Variants in ANK3 observed in about 807,000 individuals in gnomAD.
ANK3 encodes the protein ankyrin 3.
Under a neutral mutation model 370.9 loss-of-function variants are expected in ANK3, and 57 were observed. That is an observed-to-expected ratio of 0.15 (90% CI 0.12 to 0.19). The LOEUF is 0.19. Ranked by LOEUF, ANK3 falls within the 10% of genes least tolerant of loss-of-function variation. ANK3 has a pLI of 1.00. For missense variants in ANK3, 4,439 were observed against 5,302.1 expected (o/e 0.84, Z 5.06); for synonymous variants, 1,929 against 1,946.3 (o/e 0.99, Z 0.23).
chr10:60,661,928 C>T (rs1056936548), intron 1 of ANK3, among the ~76,000 whole-genome samples: 8 of 152,092 alleles, frequency 5.3e-5, no homozygotes, highest in African/African-American at 1.2e-4. Flanking sequence ...CAAAGCCAGA[C>T]GGGGATTTGA....
rs553549084 is a variant in ANK3 at position 60,100,419 on chromosome 10, A to G, written c.3328+5486T>C. On this transcript the variant is annotated intron_variant, in intron 28 of 43. Transcript: ENST00000280772. Reference sequence around the variant, plus strand: ...ACTGCTTCTACAATGACTTAACACTATTGGTCTCATGGCAAAAACAATTAA... The same window carrying G: ...ACTGCTTCTACAATGACTTAACACTGTTGGTCTCATGGCAAAAACAATTAA... 2.6e-5 allele frequency among the ~76,000 whole-genome samples: 4 copies of G among 151,968 alleles called. No individual in the cohort carries two copies. The South Asian group carries it at 8.3e-4, about 32-fold the overall frequency.
chr10:60,696,174 C>G (rs942025958), intron 1 of ANK3, among the ~76,000 whole-genome samples: 1 of 149,884 alleles, frequency 6.7e-6, no homozygotes, highest in Non-Finnish European at 1.5e-5. Flanking sequence ...AATTCCTCGA[C>G]ACATACACTC....
At position 60,361,195 on chromosome 10, in the gene ANK3, A is replaced by G. The variant is rs2058556244; in HGVS notation, c.114+28230T>C. ...TTCTCGACTAAGGAAGCTGTTCAGT[A>G]TTCCACAGAATTAATGTGTACCTTT... On this transcript the variant is annotated intron_variant, in intron 1 of 43. Transcript: ENST00000280772. Among the ~76,000 whole-genome samples, 2 of 152,194 alleles carry G rather than the reference A, an allele frequency of 1.3e-5. 1 individual carries two copies. Among genetic ancestry groups the G allele is most frequent in the South Asian group, 4.1e-4 (2 of 4,830 alleles).
chr10:60,549,120 T>C (rs2077035024), intron 2 of ANK3, among the ~76,000 whole-genome samples: 1 of 143,652 alleles, frequency 7.0e-6, no homozygotes, highest in African/African-American at 2.6e-5. Flanking sequence ...CACAAATGAG[T>C]GAGAGAAGGG....
At chr10:60,268,997 G>A (rs1315433699) in intron 5 of ANK3, among the ~76,000 whole-genome samples, 2 of 152,194 alleles carry the variant, frequency 1.3e-5, no homozygotes, top group Admixed American at 6.5e-5. Flanking sequence ...CAAAAACTAA[G>A]TGAGATTAGA....
intron 25 of ANK3, among the ~76,000 whole-genome samples, chr10:60,122,741 TC>T (rs1199076781): frequency 6.6e-6 from 1 of 152,236 alleles, no homozygotes; most frequent in Non-Finnish European, 1.5e-5. Context: ...TCTATACTTT[TC>T]AAAAGACTTT....
At chr10:60,230,032 T>C (rs1021633167) in intron 8 of ANK3, among the ~76,000 whole-genome samples, 10 of 152,164 alleles carry the variant, frequency 6.6e-5, no homozygotes, top group Admixed American at 3.9e-4. Flanking sequence ...TTACCAACAC[T>C]ACCGGGGATT....
chr10:60,444,053 C>A (rs573121338), intron 2 of ANK3, among the ~76,000 whole-genome samples: 1 of 152,092 alleles, frequency 6.6e-6, no homozygotes, highest in East Asian at 1.9e-4. Flanking sequence ...TCAGAATTTT[C>A]ATTAAAAAAA....
chr10:60,167,728 C>T (rs561141333), intron 21 of ANK3, among the ~76,000 whole-genome samples: 4 of 150,978 alleles, frequency 2.6e-5, no homozygotes, highest in African/African-American at 7.3e-5. Flanking sequence ...GGAAGATACA[C>T]GTTTAAATGA....
chr10:60,039,906 CT>C (rs1336001668), intron 43 of ANK3, among the ~76,000 whole-genome samples: 1 of 152,130 alleles, frequency 6.6e-6, no homozygotes, highest in Non-Finnish European at 1.5e-5. Context: ...AATCAATAAT[CT>C]TGACTTCAAG....
intron 16 of ANK3, among the ~76,000 whole-genome samples, chr10:60,192,660 G>A (rs2096509801): frequency 6.6e-6 from 1 of 152,122 alleles, no homozygotes; most frequent in African/African-American, 2.4e-5. Context: ...TGGACATAAA[G>A]AGTGGAATAA....
At chr10:60,652,454 T>G (rs2078802170) in intron 1 of ANK3, among the ~76,000 whole-genome samples, 2 of 151,684 alleles carry the variant, frequency 1.3e-5, no homozygotes. Context: ...GAAGGAGAGA[T>G]AAAGAACTTG....
At chr10:60,654,854 T>G (rs1432722298) in intron 1 of ANK3, among the ~76,000 whole-genome samples, 1 of 152,198 alleles carries the variant, frequency 6.6e-6, no homozygotes, top group African/African-American at 2.4e-5. Context: ...GGTTTATTAT[T>G]ATCCCTCTTT....
rs141051825 is a variant in ANK3, at chr10:60,055,856, T to G, written c.12867A>C (p.Gly4289=). 2 of 1,614,074 alleles carry G rather than the reference T, an allele frequency of 1.2e-6. No individual in the cohort carries two copies. The highest frequency in any genetic ancestry group is 1.7e-5 in the Admixed American group (1 of 59,998). Residue 4289 remains glycine, a synonymous_variant, in exon 42 of 44, where the codon GGA becomes GGC. Transcript: ENST00000280772. The part of the protein sequence containing the change: ...TKETLKPKIH[G]SGHVEEPASP... ...ATGCTGGTTCTTCAACATGACCAGATCCATGTATTTTTGGTTTCAGAGTTT... is the reference window on the plus strand; with the variant it reads ...ATGCTGGTTCTTCAACATGACCAGAGCCATGTATTTTTGGTTTCAGAGTTT...
In ANK3 at chr10:60,071,190, C is replaced by T. The variant is rs940415590; in HGVS notation, c.9691G>A (p.Glu3231Lys). Residue 3231 changes from glutamate to lysine, a missense_variant, in exon 37 of 44, where the codon GAA becomes AAA. Transcript: ENST00000280772. ...TCTTTGCTCACGTCATTAGGCATTTCACGCTCAACTGCTGTTTCCTCCACT... is the reference window on the plus strand; with the variant it reads ...TCTTTGCTCACGTCATTAGGCATTTTACGCTCAACTGCTGTTTCCTCCACT... The part of the protein sequence containing the change: ...TTVEETAVER[E>K]MPNDVSKDSN... 4 of 1,614,038 alleles carry T rather than the reference C, an allele frequency of 2.5e-6. No individual in the cohort carries two copies. The African/African-American group carries it at 4.0e-5, about 16-fold the overall frequency.
intron 7 of ANK3, among the ~76,000 whole-genome samples, chr10:60,250,577 G>T (rs1416821159): frequency 6.6e-6 from 1 of 152,090 alleles, no homozygotes; most frequent in Non-Finnish European, 1.5e-5. Context: ...ATGTTAGCCA[G>T]GATGGTCTCG....
chr10:60,583,817 C>T (rs2077792533), intron 2 of ANK3, among the ~76,000 whole-genome samples: 2 of 151,994 alleles, frequency 1.3e-5, no homozygotes, highest in Admixed American at 1.3e-4. Context: ...AACTCCTGAC[C>T]TCGTGATCCA....
At chr10:60,563,023 C>G (rs1338966195) in intron 2 of ANK3, among the ~76,000 whole-genome samples, 2 of 152,122 alleles carry the variant, frequency 1.3e-5, no homozygotes, top group Non-Finnish European at 2.9e-5. Flanking sequence ...ATAAACTCAT[C>G]AAATGATTAT....
intron 18 of ANK3, 53 bp downstream of exon 18, chr10:60,181,276 G>A: frequency 7.0e-7 from 1 of 1,422,030 alleles, no homozygotes; most frequent in Admixed American, 1.7e-5. Flanking sequence ...CTTCCTTACT[G>A]CAGTCACCAA....
Sources: gnomAD v4.1 joint callset for allele counts (sites outside exome capture counted in the v4.1 genomes callset) on GRCh38, gnomAD v4.1.1 for gene constraint, MANE v1.5 for transcripts, NCBI Gene and HGNC (gene_info 2026-07-23, HGNC 2026-07-21) for gene names.